Variants in ADGRB3 observed in about 807,000 individuals in gnomAD.
ADGRB3 encodes the protein adhesion G protein-coupled receptor B3, also known as brain-specific angiogenesis inhibitor 3.
In ADGRB3, 37 loss-of-function variants were observed where a neutral mutation model predicts 193.4. The ratio of observed to expected loss-of-function variants is 0.19; its 90% confidence interval spans 0.15 to 0.25. ADGRB3 has a LOEUF of 0.25. Among genes scored for constraint, ADGRB3 ranks in the 10% least tolerant of loss-of-function variants. The pLI, the probability that ADGRB3 is intolerant of heterozygous loss-of-function variation, is 1.00. For missense variants in ADGRB3, 1,637 were observed against 1,852.9 expected (o/e 0.88, Z 2.14); for synonymous variants, 690 against 644.2 (o/e 1.07, Z -1.08).
chr6:68,763,625 C>T (rs576547657), intron 3 of ADGRB3, among the ~76,000 whole-genome samples: 27 of 152,118 alleles, frequency 1.8e-4, no homozygotes, highest in Middle Eastern at 3.4e-3. Context: ...GAAGTGATGG[C>T]GGGTATTTCT....
At chr6:69,009,393 A>C (rs1769866998) in intron 11 of ADGRB3, among the ~76,000 whole-genome samples, 1 of 152,158 alleles carries the variant, frequency 6.6e-6, no homozygotes, top group South Asian at 2.1e-4. Context: ...TTGTCTGAGT[A>C]TAGAACAGAA....
intron 3 of ADGRB3, among the ~76,000 whole-genome samples, chr6:68,721,940 A>G (rs1765590460): frequency 6.6e-6 from 1 of 151,508 alleles, no homozygotes; most frequent in African/African-American, 2.4e-5. Flanking sequence ...ATGCAACTAC[A>G]CAATAAGTTT....
At chr6:68,640,159 C>T (rs892374567) in intron 3 of ADGRB3, among the ~76,000 whole-genome samples, 2 of 152,120 alleles carry the variant, frequency 1.3e-5, no homozygotes, top group African/African-American at 2.4e-5. Context: ...AATGAAAACA[C>T]ATAGTGATCC....
intron 17 of ADGRB3, 45 bp from the exon 18 acceptor site, chr6:69,233,245 A>T: frequency 6.2e-7 from 1 of 1,603,252 alleles, no homozygotes; most frequent in Non-Finnish European, 8.5e-7. Context: ...TTTGGCTATC[A>T]GGCGTATTTA....
chr6:69,128,825 A>C (rs1157766128), intron 17 of ADGRB3, among the ~76,000 whole-genome samples: 1 of 152,160 alleles, frequency 6.6e-6, no homozygotes, highest in Non-Finnish European at 1.5e-5. Context: ...CATGTTCCTT[A>C]TAACTTTAAA....
chr6:69,357,215 A>G (rs1190873864), intron 28 of ADGRB3, among the ~76,000 whole-genome samples: 2 of 152,026 alleles, frequency 1.3e-5, no homozygotes, highest in Non-Finnish European at 2.9e-5. Context: ...TGGGCTCTTT[A>G]CTTGTATTAA....
At chr6:68,940,380 C>T (rs1444299277) in intron 5 of ADGRB3, among the ~76,000 whole-genome samples, 1 of 151,566 alleles carries the variant, frequency 6.6e-6, no homozygotes, top group East Asian at 1.9e-4. Flanking sequence ...CATTAGATGC[C>T]AGTAGCCCCC....
At chr6:69,069,218 C>T (rs1429327475) in intron 16 of ADGRB3, among the ~76,000 whole-genome samples, 1 of 151,972 alleles carries the variant, frequency 6.6e-6, no homozygotes, top group Non-Finnish European at 1.5e-5. Context: ...GAGATTACTT[C>T]CTGTTGAGTT....
intron 20 of ADGRB3, among the ~76,000 whole-genome samples, chr6:69,269,682 C>T (rs1767130861): frequency 6.6e-6 from 1 of 152,032 alleles, no homozygotes; most frequent in African/African-American, 2.4e-5. Context: ...TTTATAATAT[C>T]ATATGATTTC....
At chr6:69,150,866 C>T (rs1295066772) in intron 17 of ADGRB3, among the ~76,000 whole-genome samples, 1 of 152,188 alleles carries the variant, frequency 6.6e-6, no homozygotes, top group African/African-American at 2.4e-5. Context: ...CAGCAGATTA[C>T]CTTCTGGCAC....
chr6:68,923,075 C>T (rs1481009935), intron 3 of ADGRB3, among the ~76,000 whole-genome samples: 1 of 152,034 alleles, frequency 6.6e-6, no homozygotes, highest in East Asian at 1.9e-4. Flanking sequence ...ACGCTATATA[C>T]ATGTCTTAGT....
At chr6:69,281,262 T>C (rs1249386037) in intron 20 of ADGRB3, among the ~76,000 whole-genome samples, 1 of 152,148 alleles carries the variant, frequency 6.6e-6, no homozygotes, top group African/African-American at 2.4e-5. Context: ...ACAACAGGGA[T>C]AGACTATCAG....
chr6:69,027,895 T>G (rs1562127406), intron 13 of ADGRB3, among the ~76,000 whole-genome samples: 1 of 152,226 alleles, frequency 6.6e-6, no homozygotes, highest in Non-Finnish European at 1.5e-5. Context: ...AAGACAGATT[T>G]ATATCAAAAA....
Position 68,700,819 on chromosome 6 carries a change from C to G in ADGRB3, c.757+61387C>G, listed in dbSNP as rs544184124. 5.6e-3 allele frequency among the ~76,000 whole-genome samples: 600 copies of G among 106,266 alleles called. 4 individuals carry two copies. Among genetic ancestry groups the G allele is most frequent in the Non-Finnish European group, 9.0e-3 (510 of 56,948 alleles). 69.7% of individuals were successfully genotyped at this position (106,266 alleles called of 152,430 possible). A position where few individuals can be genotyped will look rare whatever the true frequency, so the allele number is the denominator to read the frequency against. On this transcript the variant is annotated intron_variant, in intron 3 of 31. Coordinates refer to ENST00000370598, the MANE Select transcript of ADGRB3 (RefSeq NM_001704.3). Reference sequence around the variant, plus strand: ...GGGAACATCACACACCGGGGCCTGTCGTAGGGTGGGGGGAGGGGGGAGGGA... The same window carrying G: ...GGGAACATCACACACCGGGGCCTGTGGTAGGGTGGGGGGAGGGGGGAGGGA...
intron 20 of ADGRB3, among the ~76,000 whole-genome samples, chr6:69,289,511 A>G (rs1314436474): frequency 6.6e-6 from 1 of 152,144 alleles, no homozygotes; most frequent in Admixed American, 6.6e-5. Context: ...GTTTTGCCCC[A>G]GACTTTCCTT....
chr6:69,328,413 T>C (rs546900142), intron 22 of ADGRB3, among the ~76,000 whole-genome samples: 2 of 152,306 alleles, frequency 1.3e-5, no homozygotes, highest in African/African-American at 2.4e-5. Context: ...AGGTATATGA[T>C]ATCAGCTTAT....
chr6:69,122,270 G>A (rs1007871026), intron 17 of ADGRB3, among the ~76,000 whole-genome samples: 5 of 151,584 alleles, frequency 3.3e-5, no homozygotes, highest in Middle Eastern at 3.2e-3. Flanking sequence ...TCAACAGGGC[G>A]AAACCCCGTC....
chr6:69,238,743 C>A (rs1257101120), intron 19 of ADGRB3, among the ~76,000 whole-genome samples: 2 of 151,784 alleles, frequency 1.3e-5, no homozygotes, highest in Non-Finnish European at 1.5e-5. Context: ...GCTAAACATA[C>A]ATACACACAT....
At chr6:68,861,859 A>T (rs549389174) in intron 3 of ADGRB3, among the ~76,000 whole-genome samples, 7 of 152,320 alleles carry the variant, frequency 4.6e-5, no homozygotes, top group African/African-American at 1.4e-4. Context: ...GTCCTCATGA[A>T]CTAGATAAAG....
Sources: allele counts gnomAD v4.1 joint callset (sites outside exome capture counted in the v4.1 genomes callset), GRCh38; gene constraint gnomAD v4.1.1; transcripts MANE v1.5; gene names NCBI Gene and HGNC (gene_info 2026-07-23, HGNC 2026-07-21).